PROM1: variants seen among roughly 807,000 people sequenced by gnomAD.
PROM1 encodes the protein prominin-1.
PROM1 carries 105 observed loss-of-function variants against 116.9 expected under a neutral mutation model. That is an observed-to-expected ratio of 0.90 (90% CI 0.77 to 1.06). The LOEUF is 1.06. Among genes scored for constraint, PROM1 ranks in the 50% least tolerant of loss-of-function variants. The pLI, the probability that PROM1 is intolerant of heterozygous loss-of-function variation, is 0.00. For missense variants in PROM1, 1,122 were observed against 1,045.2 expected (o/e 1.07, Z -1.01); for synonymous variants, 393 against 387.0 (o/e 1.02, Z -0.18).
intron 2 of PROM1, among the ~76,000 whole-genome samples, chr4:16,040,276 C>T (rs528487189): frequency 3.5e-5 from 2 of 56,618 alleles, no homozygotes; most frequent in Admixed American, 1.6e-4. Flanking sequence ...GCTGCAGGAA[C>T]AGAGATTTTC....
chr4:16,011,149 T>C (rs1310644198), intron 11 of PROM1, among the ~76,000 whole-genome samples: 1 of 152,126 alleles, frequency 6.6e-6, no homozygotes, highest in Non-Finnish European at 1.5e-5. Flanking sequence ...GACAACTCTC[T>C]ATGTGGCTGG....
chr4:16,019,412 T>C (rs940027092), intron 8 of PROM1, among the ~76,000 whole-genome samples: 2 of 152,246 alleles, frequency 1.3e-5, no homozygotes, highest in Non-Finnish European at 2.9e-5. Flanking sequence ...AGCCATGCAA[T>C]CAAGAGGGCA....
intron 14 of PROM1, among the ~76,000 whole-genome samples, chr4:15,999,759 T>C (rs914859803): frequency 1.1e-4 from 17 of 151,972 alleles, no homozygotes; most frequent in African/African-American, 3.4e-4. Context: ...AACAGTATTC[T>C]CCTGATTTCA....
intron 22 of PROM1, 85 bp downstream of exon 22, chr4:15,985,675 T>C (rs1390515422): frequency 9.9e-6 from 10 of 1,013,526 alleles, no homozygotes; most frequent in Non-Finnish European, 1.5e-5. Context: ...GGAAATTTAA[T>C]TTTATTTCTT....
At chr4:15,989,392 A>C (rs17477869) in intron 19 of PROM1, among the ~76,000 whole-genome samples, 32,724 of 152,112 alleles carry the variant, frequency 0.22, 4,038 homozygotes, top group Middle Eastern at 0.34. Context: ...ACATATTTCT[A>C]GACAAAGCTC....
At chr4:15,979,227 C>T (rs1464468581) in intron 26 of PROM1, among the ~76,000 whole-genome samples, 168 bp downstream of exon 26, 2 of 152,206 alleles carry the variant, frequency 1.3e-5, no homozygotes, top group East Asian at 3.8e-4. Context: ...CATTTAAACT[C>T]ATGGCATCAT....
At chr4:16,038,596 T>G (rs1734468036) in intron 3 of PROM1, among the ~76,000 whole-genome samples, 1 of 151,326 alleles carries the variant, frequency 6.6e-6, no homozygotes, top group Admixed American at 6.6e-5. Flanking sequence ...AGGGATGGAG[T>G]TTCACCATAT....
In PROM1 at chr4:15,994,057, T is replaced by A. The variant is rs376676164; in HGVS notation, c.1697A>T (p.Asn566Ile). The change falls in exon 16 of 28, where the codon AAT (asparagine) becomes ATT (isoleucine). Residue 566 changes from asparagine (N) to isoleucine (I), a missense_variant. Physicochemically the swap from Asn to Ile is moderately radical, Grantham distance 149. Transcript: ENST00000447510. ...FEQVYSDCKK[N>I]RGTYGTLHLQ... ...GTGAAGAGTGCCGTAAGTGCCTCTA[T>A]TTTTTTTGCAGTCACTGTGGGAATG... is the stretch of plus-strand genomic sequence containing the variant. The A allele has an allele frequency of 1.4e-5, 22 of 1,584,522 alleles. No homozygotes were observed. The highest frequency in any genetic ancestry group is 1.6e-5 in the Non-Finnish European group (19 of 1,163,386).
intron 2 of PROM1, among the ~76,000 whole-genome samples, chr4:16,067,240 C>T (rs1231132608): frequency 6.6e-6 from 1 of 152,166 alleles, no homozygotes; most frequent in East Asian, 1.9e-4. Flanking sequence ...CTTGGCTGGG[C>T]CTCTTAGCCA....
intron 23 of PROM1, 74 bp downstream of exon 23, chr4:15,984,189 T>C: frequency 8.5e-7 from 1 of 1,174,532 alleles, no homozygotes; most frequent in Non-Finnish European, 1.2e-6. Flanking sequence ...AATATTATAA[T>C]GTATATCATA....
intron 15 of PROM1, among the ~76,000 whole-genome samples, chr4:15,997,203 A>G (rs1722527342): frequency 6.6e-6 from 1 of 150,906 alleles, no homozygotes; most frequent in South Asian, 2.1e-4. Flanking sequence ...GCTAAAAGAA[A>G]TGCATTTCAA....
At chr4:15,998,358 C>A (rs774875329) in intron 15 of PROM1, 27 bp downstream of exon 15, 6 of 1,540,610 alleles carry the variant, frequency 3.9e-6, no homozygotes, top group Non-Finnish European at 3.5e-6. Flanking sequence ...TCTTAAATAG[C>A]GAAATGTATA....
chr4:15,995,431 G>A (rs1421600735), intron 15 of PROM1, among the ~76,000 whole-genome samples: 1 of 151,832 alleles, frequency 6.6e-6, no homozygotes, highest in African/African-American at 2.4e-5. Context: ...GGAAGAGGAA[G>A]AAGAAGAAGA....
chr4:15,999,322 T>A (rs1390674648), intron 14 of PROM1, among the ~76,000 whole-genome samples: 1 of 151,820 alleles, frequency 6.6e-6, no homozygotes, highest in Admixed American at 6.6e-5. Context: ...ATACAAAAAA[T>A]TAGCCGCGCG....
At chr4:15,975,872 G>A (rs138818693) in intron 26 of PROM1, among the ~76,000 whole-genome samples, 1 of 152,204 alleles carries the variant, frequency 6.6e-6, no homozygotes. Flanking sequence ...ATGCTTCAGC[G>A]AAACTCACAT....
chr4:15,974,016 G>C (rs1560371914), intron 26 of PROM1, among the ~76,000 whole-genome samples: 1 of 152,098 alleles, frequency 6.6e-6, no homozygotes, highest in Non-Finnish European at 1.5e-5. Context: ...TGGTCTCACA[G>C]GAAGCAACTT....
intron 2 of PROM1, among the ~76,000 whole-genome samples, chr4:16,063,042 C>T (rs1274065099): frequency 2.0e-5 from 3 of 152,162 alleles, no homozygotes; most frequent in Admixed American, 6.5e-5. Flanking sequence ...AAAGATACAA[C>T]CAGAAACTAT....
intron 8 of PROM1, 135 bp downstream of exon 8, chr4:16,023,191 T>A: frequency 1.4e-6 from 1 of 735,780 alleles, no homozygotes. Context: ...TGTCTTGACC[T>A]GAACTGTCTG....
chr4:16,063,552 C>T (rs995918540), intron 2 of PROM1, among the ~76,000 whole-genome samples: 2 of 152,150 alleles, frequency 1.3e-5, no homozygotes, highest in Non-Finnish European at 2.9e-5. Context: ...GTCCAGATCT[C>T]GCCAGTGTAC....
Sources: gnomAD v4.1 joint callset for allele counts (sites outside exome capture counted in the v4.1 genomes callset) on GRCh38, gnomAD v4.1.1 for gene constraint, MANE v1.5 for transcripts, NCBI Gene and HGNC (gene_info 2026-07-23, HGNC 2026-07-21) for gene names.